The following FRMPD4 variants were observed in gnomAD, a reference collection of about 807,000 sequenced individuals.
FRMPD4 encodes FERM and PDZ domain-containing protein 4.
FRMPD4 carries 22 observed loss-of-function variants against 94.1 expected under a neutral mutation model. That is an observed-to-expected ratio of 0.23 (90% CI 0.17 to 0.33). FRMPD4 has a LOEUF of 0.33. FRMPD4 is among the 10% of genes least tolerant of loss of function. The pLI is 1.00. For missense variants in FRMPD4, 1,111 were observed against 1,339.9 expected, an observed-to-expected ratio of 0.83 and a Z score of 2.67; for synonymous variants, 631 against 548.6, an observed-to-expected ratio of 1.15 and a Z score of -2.10.
chrX:12,090,872 A>T lies in FRMPD4; in HGVS notation c.95+212854A>T, dbSNP rs201622658. On this transcript the variant is annotated intron_variant, in intron 3 of 18. Transcript: ENST00000640291. ...TTTCTTTGAAACTAACACATCAAATATTAGTAAGGGATGATTGGAGGAGAG... is the reference window on the plus strand; with the variant it reads ...TTTCTTTGAAACTAACACATCAAATTTTAGTAAGGGATGATTGGAGGAGAG... Among the ~76,000 whole-genome samples, 23 of 112,449 alleles carry T rather than the reference A, an allele frequency of 2.0e-4. No homozygotes were observed. In the East Asian group the frequency reaches 5.0e-3, roughly 25 times the overall value.
chrX:12,158,801 G>A (rs1461128804), intron 1 of FRMPD4, among the ~76,000 whole-genome samples: 1 of 111,546 alleles, frequency 9.0e-6, no homozygotes, highest in Non-Finnish European at 1.9e-5. Context: ...CTGTTTTTTG[G>A]TGATCGTATT....
At chrX:12,510,960 T>TA (rs762904002) in intron 2 of FRMPD4, among the ~76,000 whole-genome samples, 2 of 111,845 alleles carry the variant, frequency 1.8e-5, no homozygotes, top group Non-Finnish European at 3.8e-5. Flanking sequence ...TAGCTGCAGT[T>TA]CCAAAGGCAG....
intron 3 of FRMPD4, among the ~76,000 whole-genome samples, chrX:11,990,847 A>G (rs900197452): frequency 8.9e-6 from 1 of 111,814 alleles, no homozygotes; most frequent in South Asian, 3.7e-4. Flanking sequence ...GCCGCAAGCT[A>G]CTGACTGGAC....
chrX:12,413,701 C>T (rs1320114815), intron 1 of FRMPD4, among the ~76,000 whole-genome samples: 2 of 111,882 alleles, frequency 1.8e-5, no homozygotes, highest in African/African-American at 3.2e-5. Context: ...ACAAAGAGAA[C>T]GTGTTATACT....
At chrX:11,887,030 C>T (rs909253539) in intron 3 of FRMPD4, among the ~76,000 whole-genome samples, 1 of 111,441 alleles carries the variant, frequency 9.0e-6, no homozygotes, top group Non-Finnish European at 1.9e-5. Context: ...ATTCATGTGT[C>T]TATTGTCTGT....
chrX:12,072,062 C>T (rs1213161898), intron 3 of FRMPD4, among the ~76,000 whole-genome samples: 3 of 111,107 alleles, frequency 2.7e-5, no homozygotes, highest in Non-Finnish European at 3.8e-5. Context: ...GCAATCATAG[C>T]TCGTTGCAGC....
chrX:12,455,382 A>G (rs1332287472), intron 1 of FRMPD4, among the ~76,000 whole-genome samples: 4 of 111,901 alleles, frequency 3.6e-5, no homozygotes, highest in Non-Finnish European at 7.5e-5. Context: ...TTTAATTAAA[A>G]TAATGGTAAT....
intron 3 of FRMPD4, among the ~76,000 whole-genome samples, chrX:12,068,089 G>A (rs1208037810): frequency 9.0e-6 from 1 of 111,248 alleles, no homozygotes; most frequent in Admixed American, 9.5e-5. Context: ...AGAGGGAGAG[G>A]GAAATGATTT....
intron 1 of FRMPD4, among the ~76,000 whole-genome samples, chrX:11,855,061 C>G (rs1342213618): frequency 8.9e-6 from 1 of 112,320 alleles, no homozygotes; most frequent in Non-Finnish European, 1.9e-5. Flanking sequence ...GTACTTACAA[C>G]TTAATTCTTG....
intron 1 of FRMPD4, among the ~76,000 whole-genome samples, chrX:12,432,431 T>A (rs1471756932): frequency 8.9e-6 from 1 of 112,339 alleles, no homozygotes; most frequent in Non-Finnish European, 1.9e-5. Context: ...TTCTGAGGCT[T>A]AGGACCTCAC....
chrX:11,863,512 C>A (rs754173472), intron 1 of FRMPD4, among the ~76,000 whole-genome samples: 1 of 110,682 alleles, frequency 9.0e-6, no homozygotes, highest in South Asian at 3.8e-4. Context: ...CTACAGCACC[C>A]CCTAGGCTAC....
At chrX:12,597,117 A>T (rs936774884) in intron 2 of FRMPD4, among the ~76,000 whole-genome samples, 11 of 111,988 alleles carry the variant, frequency 9.8e-5, no homozygotes, top group Non-Finnish European at 1.9e-4. Context: ...CCTCTGACAC[A>T]TTAGAGTATC....
chrX:11,978,736 C>T, intron 3 of FRMPD4, among the ~76,000 whole-genome samples: 1 of 111,854 alleles, frequency 8.9e-6, no homozygotes, highest in Middle Eastern at 4.6e-3. Flanking sequence ...TACTTTGAAG[C>T]AATTAGAAAT....
chrX:12,719,650 C>T (rs749061976), intron 16 of FRMPD4, among the ~76,000 whole-genome samples: 3 of 112,023 alleles, frequency 2.7e-5, no homozygotes, highest in Non-Finnish European at 5.6e-5. Flanking sequence ...TCAAAACCCA[C>T]CACTGGCTTT....
intron 1 of FRMPD4, among the ~76,000 whole-genome samples, chrX:12,492,077 C>T (rs1435672033): frequency 1.8e-5 from 2 of 111,878 alleles, no homozygotes; most frequent in African/African-American, 6.5e-5. Flanking sequence ...CTAAGAGATG[C>T]AAATGCACAG....
chrX:12,114,437 TG>T (rs1691118517), intron 3 of FRMPD4, among the ~76,000 whole-genome samples: 1 of 112,412 alleles, frequency 8.9e-6, no homozygotes, highest in South Asian at 3.6e-4. Flanking sequence ...CTTCCAGAGT[TG>T]TTCCCTATAC....
intron 1 of FRMPD4, among the ~76,000 whole-genome samples, chrX:12,297,802 T>C (rs1000334570): frequency 9.0e-6 from 1 of 111,380 alleles, no homozygotes; most frequent in Admixed American, 9.5e-5. Context: ...AGAAAAAGAA[T>C]TAGCCCCCCC....
chrX:12,709,782 T>C (rs1266227117), intron 13 of FRMPD4, among the ~76,000 whole-genome samples: 1 of 112,242 alleles, frequency 8.9e-6, no homozygotes, highest in African/African-American at 3.2e-5. Context: ...TCTTTAAATG[T>C]TAAAAATGTT....
At chrX:11,832,988 C>T (rs1237242832) in intron 1 of FRMPD4, among the ~76,000 whole-genome samples, 2 of 112,254 alleles carry the variant, frequency 1.8e-5, no homozygotes, top group South Asian at 3.7e-4. Context: ...TGTGTTCTGC[C>T]TATTCATCCT....
Sources: gnomAD v4.1 joint callset for allele counts (sites outside exome capture counted in the v4.1 genomes callset) on GRCh38, gnomAD v4.1.1 for gene constraint, MANE v1.5 for transcripts, NCBI Gene and HGNC (gene_info 2026-07-23, HGNC 2026-07-21) for gene names.